Variants in CD86 observed in about 807,000 individuals in gnomAD.
CD86 encodes T-lymphocyte activation antigen CD86.
A neutral mutation model predicts 32.1 loss-of-function variants in CD86; 11 were observed. That is an observed-to-expected ratio of 0.34 (90% CI 0.22 to 0.57). The LOEUF is 0.57. Among genes scored for constraint, CD86 ranks in the 20% least tolerant of loss-of-function variants. CD86 has a pLI of 0.86. For missense variants in CD86, 359 were observed against 398.4 expected (o/e 0.90, Z 0.84); for synonymous variants, 137 against 135.3 (o/e 1.01, Z -0.09).
At chr3:122,099,071 C>T (rs1002095203) in intron 2 of CD86, among the ~76,000 whole-genome samples, 7 of 152,050 alleles carry the variant, frequency 4.6e-5, no homozygotes, top group African/African-American at 7.2e-5. Context: ...CAGTTGAATC[C>T]GTGGGGCTAG....
chr3:122,066,193 TA>T (rs2072410611), intron 1 of CD86, among the ~76,000 whole-genome samples: 1 of 152,202 alleles, frequency 6.6e-6, no homozygotes, highest in African/African-American at 2.4e-5. Flanking sequence ...AAATATTTCC[TA>T]TGATTAAAGG....
At position 122,106,458 on chromosome 3, in the gene CD86, G is replaced by A. The variant is rs763958444; in HGVS notation, c.661G>A (p.Glu221Lys). ...TSNMTIFCIL[E>K]TDKTRLLSSP... Reference sequence around the variant, plus strand: ...CAATATGACCATCTTCTGTATTCTGGAAACTGACAAGACGCGGCTTTTATC... The same window carrying A: ...CAATATGACCATCTTCTGTATTCTGAAAACTGACAAGACGCGGCTTTTATC... Residue 221 changes from glutamate (E) to lysine (K), a missense_variant, in exon 4 of 7, where the codon GAA becomes AAA. Physicochemically the swap from Glu to Lys is moderately conservative, Grantham distance 56. Coordinates refer to ENST00000330540, the MANE Select transcript of CD86 (RefSeq NM_175862.5). 1 of 1,612,616 alleles carries A rather than the reference G, an allele frequency of 6.2e-7. No homozygotes were observed.
intron 2 of CD86, among the ~76,000 whole-genome samples, chr3:122,103,301 T>TA (rs1559910474): frequency 6.6e-6 from 1 of 152,178 alleles, no homozygotes; most frequent in Non-Finnish European, 1.5e-5. Context: ...TTGCAGTTTG[T>TA]ACAAGGCCAC....
chr3:122,063,034 A>C (rs552662416), intron 1 of CD86, among the ~76,000 whole-genome samples: 2 of 152,342 alleles, frequency 1.3e-5, no homozygotes, highest in African/African-American at 4.8e-5. Flanking sequence ...TCAAGCAACA[A>C]AGCTGCCTAA....
At chr3:122,092,788 C>T (rs1229584409) in intron 2 of CD86, among the ~76,000 whole-genome samples, 1 of 152,224 alleles carries the variant, frequency 6.6e-6, no homozygotes, top group Admixed American at 6.5e-5. Context: ...ATGAGTTCAC[C>T]TCCTCCAGAT....
intron 1 of CD86, among the ~76,000 whole-genome samples, chr3:122,087,685 G>A (rs970749545): frequency 6.6e-6 from 1 of 152,150 alleles, no homozygotes; most frequent in African/African-American, 2.4e-5. Context: ...ATTAACATTA[G>A]TGAAGCTTAC....
intron 1 of CD86, among the ~76,000 whole-genome samples, chr3:122,069,249 T>C (rs1354365919): frequency 1.3e-5 from 2 of 151,742 alleles, no homozygotes; most frequent in African/African-American, 4.8e-5. Context: ...CAGTCAGAGC[T>C]AGTTAAGCAT....
intron 1 of CD86, among the ~76,000 whole-genome samples, chr3:122,071,420 A>G (rs2072487218): frequency 6.6e-6 from 1 of 152,166 alleles, no homozygotes; most frequent in Admixed American, 6.6e-5. Flanking sequence ...ATTAAGCAAT[A>G]TGAATTTAAG....
In CD86 at chr3:122,091,629, G is replaced by T; in HGVS notation, c.43G>T (p.Val15Leu). Residue 15 changes from valine (V) to leucine (L), a missense_variant, in exon 2 of 7, where the codon GTG becomes TTG. Transcript: ENST00000330540. ...CTMGLSNILF[V>L]MAFLLSGAAP... The stretch of plus-strand genomic sequence containing the variant: ...TATGGGACTGAGTAACATTCTCTTT[G>T]TGATGGCCTTCCTGCTCTCTGGTAA... 1 of 1,612,996 alleles carries T rather than the reference G, an allele frequency of 6.2e-7. No homozygotes were observed. The highest frequency in any genetic ancestry group is 1.1e-5 in the South Asian group (1 of 91,044).
chr3:122,106,118 A>G (rs1299294663), intron 3 of CD86, 80 bp from the exon 4 acceptor site: 1 of 1,114,620 alleles, frequency 9.0e-7, no homozygotes, highest in Non-Finnish European at 1.3e-6. Context: ...GCCCCAGATC[A>G]AGTACCCAGT....
intron 1 of CD86, among the ~76,000 whole-genome samples, chr3:122,080,812 C>T (rs780275761): frequency 3.9e-5 from 6 of 152,190 alleles, no homozygotes; most frequent in Non-Finnish European, 5.9e-5. Context: ...GAAAACAGAG[C>T]TCAGGATGGA....
intron 2 of CD86, among the ~76,000 whole-genome samples, chr3:122,095,760 G>A (rs1187820662): frequency 6.6e-6 from 1 of 152,044 alleles, no homozygotes; most frequent in African/African-American, 2.4e-5. Flanking sequence ...ATAGATATAT[G>A]TTATCTAGTA....
intron 5 of CD86, among the ~76,000 whole-genome samples, chr3:122,111,763 GAC>G (rs2073178046): frequency 6.6e-6 from 1 of 152,160 alleles, no homozygotes; most frequent in Admixed American, 6.5e-5. Context: ...CCTCCACAGA[GAC>G]ACAAGCTTAC....
At position 122,106,398 on chromosome 3, in the gene CD86, A is replaced by T; in HGVS notation, c.601A>T (p.Ile201Phe). 6.2e-7 allele frequency: 1 copy of T among 1,614,120 alleles called. No homozygotes were observed. The highest frequency in any genetic ancestry group is 8.5e-7 in the Non-Finnish European group (1 of 1,179,930). Residue 201 changes from isoleucine to phenylalanine, a missense_variant, in exon 4 of 7, where the codon ATC becomes TTC. Coordinates refer to ENST00000330540, the MANE Select transcript of CD86 (RefSeq NM_175862.5). ...DNVTELYDVS[I>F]SLSVSFPDVT... Reference sequence around the variant, plus strand: ...TGTCACAGAACTGTACGACGTTTCCATCAGCTTGTCTGTTTCATTCCCTGA... The same window carrying T: ...TGTCACAGAACTGTACGACGTTTCCTTCAGCTTGTCTGTTTCATTCCCTGA...
chr3:122,112,363 C>A (rs1234797522), intron 5 of CD86, among the ~76,000 whole-genome samples: 3 of 151,778 alleles, frequency 2.0e-5, no homozygotes, highest in African/African-American at 7.3e-5. Context: ...TGTCACCAGG[C>A]TGGAGTGCAG....
At chr3:122,106,926 G>A (rs2073101838) in intron 4 of CD86, among the ~76,000 whole-genome samples, 1 of 150,400 alleles carries the variant, frequency 6.6e-6, no homozygotes, top group African/African-American at 2.5e-5. Flanking sequence ...GAACCATTTG[G>A]GACATTATTG....
At chr3:122,118,534 T>C (rs999913623) in intron 6 of CD86, among the ~76,000 whole-genome samples, 1 of 152,256 alleles carries the variant, frequency 6.6e-6, no homozygotes, top group African/African-American at 2.4e-5. Flanking sequence ...CTTCTGCCAC[T>C]TCTTTACCTC....
chr3:122,080,671 A>G (rs1482509042), intron 1 of CD86, among the ~76,000 whole-genome samples: 1 of 152,176 alleles, frequency 6.6e-6, no homozygotes, highest in Non-Finnish European at 1.5e-5. Flanking sequence ...ACGAAAGAAA[A>G]CAAGCATTCG....
chr3:122,074,851 C>T (rs1455237125), intron 1 of CD86, among the ~76,000 whole-genome samples: 1 of 152,166 alleles, frequency 6.6e-6, no homozygotes, highest in Admixed American at 6.5e-5. Context: ...CAGCCCCACA[C>T]AGAAAGCAGT....
Sources: allele counts gnomAD v4.1 joint callset (sites outside exome capture counted in the v4.1 genomes callset), GRCh38; gene constraint gnomAD v4.1.1; transcripts MANE v1.5; gene names NCBI Gene and HGNC (gene_info 2026-07-23, HGNC 2026-07-21).